The following KLRD1 variants were observed in gnomAD, a reference collection of about 807,000 sequenced individuals.
The protein encoded by KLRD1 is killer cell lectin like receptor D1.
Under a neutral mutation model 22.6 loss-of-function variants are expected in KLRD1, and 21 were observed. That is an observed-to-expected ratio of 0.93 (90% CI 0.66 to 1.34). KLRD1 has a LOEUF of 1.34. KLRD1 is among the 40% of genes most tolerant of loss of function. KLRD1 has a pLI of 0.00. For synonymous variants in KLRD1, 59 were observed against 71.1 expected, an observed-to-expected ratio of 0.83 and a Z score of 0.85; for missense variants, 183 against 208.6, an observed-to-expected ratio of 0.88 and a Z score of 0.76.
At chr12:10,278,794 T>C (rs1449727468) in intron 1 of KLRD1, among the ~76,000 whole-genome samples, 3 of 152,116 alleles carry the variant, frequency 2.0e-5, no homozygotes, top group Non-Finnish European at 4.4e-5. Context: ...TGTTTTTGTT[T>C]TGTTTTGTTT....
chr12:10,290,974 C>T (rs1447043966), intron 1 of KLRD1, among the ~76,000 whole-genome samples: 1 of 152,152 alleles, frequency 6.6e-6, no homozygotes, highest in East Asian at 1.9e-4. Context: ...AGGCATACCT[C>T]AGAGATACTG....
chr12:10,302,094 T>C (rs1949871249), upstream of KLRD1, among the ~76,000 whole-genome samples: 1 of 152,194 alleles, frequency 6.6e-6, no homozygotes, highest in Non-Finnish European at 1.5e-5. Context: ...TGCCATAAGA[T>C]ATATAATATT....
At position 10,284,841 on chromosome 12, in the gene KLRD1, C is replaced by A. The variant is rs547243504; in HGVS notation, c.-100-23137C>A. Among the ~76,000 whole-genome samples the A allele has an allele frequency of 1.8e-4, 28 of 152,192 alleles. 1 individual carries two copies. Among genetic ancestry groups the A allele is most frequent in the African/African-American group, 5.8e-4 (24 of 41,526 alleles). ...TACTAAAAATACAAAATTAGCCGGG[C>A]ATGGTGGTGCATGCCTGTAATCCCA... On this transcript the variant is annotated intron_variant, in intron 1 of 5. Coordinates refer to the KLRD1 transcript ENST00000544747.
chr12:10,246,170 T>G (rs1247700194), intron 1 of KLRD1, among the ~76,000 whole-genome samples: 1 of 152,192 alleles, frequency 6.6e-6, no homozygotes, highest in Non-Finnish European at 1.5e-5. Context: ...GCTCCCTCCT[T>G]TCTTGGTTCT....
Position 10,244,383 on chromosome 12 carries a change from C to A in KLRD1, c.-101+18150C>A, listed in dbSNP as rs141158858. ...AACTACCATTTGTGACCAATATACT[C>A]ATTCACTCAATTTCAGTCAGTGTCT... On this transcript the variant is annotated intron_variant, in intron 1 of 5. Transcript: ENST00000544747. 1.2e-3 allele frequency among the ~76,000 whole-genome samples: 188 copies of A among 152,268 alleles called. 1 individual carries two copies. Among genetic ancestry groups the A allele is most frequent in the African/African-American group, 4.3e-3 (179 of 41,546 alleles).
At chr12:10,282,500 G>T (rs1042920744) in intron 1 of KLRD1, among the ~76,000 whole-genome samples, 1 of 151,974 alleles carries the variant, frequency 6.6e-6, no homozygotes, top group South Asian at 2.1e-4. Context: ...CAGATGATCC[G>T]CCTGCCTCAG....
rs1950313402 is a variant in KLRD1 at position 10,321,656 on chromosome 12, C to T, written c.*6863C>T. 6.6e-6 allele frequency: 1 copy of T among 152,144 alleles called. No homozygotes were observed. Among genetic ancestry groups the T allele is most frequent in the African/African-American group, 2.4e-5 (1 of 41,424 alleles). The allele number at this position is 152,144 out of a possible 1,614,324, so 9.4% of individuals were successfully genotyped here. A position where few individuals can be genotyped will look rare whatever the true frequency, so the allele number is the denominator to read the frequency against. On this transcript the variant is annotated 3_prime_UTR_variant, in exon 6 of 6. Coordinates refer to ENST00000336164, the MANE Select transcript of KLRD1 (RefSeq NM_002262.5). ...AAGACAGTATGTCTTTGGCGTTGCC[C>T]TTTCTCATATCATCTGATTTGGTGG...
At chr12:10,243,175 A>G (rs1033445835) in intron 1 of KLRD1, among the ~76,000 whole-genome samples, 4 of 152,188 alleles carry the variant, frequency 2.6e-5, no homozygotes, top group African/African-American at 9.7e-5. Context: ...GGCAATGGGA[A>G]TAAGCTTTTG....
intron 1 of KLRD1, among the ~76,000 whole-genome samples, chr12:10,258,302 T>G (rs1400230982): frequency 6.6e-6 from 1 of 152,190 alleles, no homozygotes; most frequent in Non-Finnish European, 1.5e-5. Context: ...TATCCCTATT[T>G]TTTTATCTTG....
chr12:10,257,281 T>A (rs545383981), intron 1 of KLRD1, among the ~76,000 whole-genome samples: 14 of 151,324 alleles, frequency 9.3e-5, no homozygotes, highest in South Asian at 2.1e-4. Flanking sequence ...GATTTTTTTT[T>A]AAAATCAAAT....
chr12:10,314,577 T>C, intron 5 of KLRD1, 96 bp from the exon 6 acceptor site: 1 of 1,172,768 alleles, frequency 8.5e-7, no homozygotes, highest in Non-Finnish European at 1.2e-6. Context: ...AGTATCTCAC[T>C]CAAATGCTTT....
chr12:10,296,833 G>A (rs186835223), intron 1 of KLRD1, among the ~76,000 whole-genome samples: 17 of 152,264 alleles, frequency 1.1e-4, no homozygotes, highest in East Asian at 3.9e-4. Flanking sequence ...CATATGTTTC[G>A]CTGTGTTTCC....
chr12:10,276,240 C>G (rs1479295172), intron 1 of KLRD1, among the ~76,000 whole-genome samples: 1 of 152,030 alleles, frequency 6.6e-6, no homozygotes, highest in Non-Finnish European at 1.5e-5. Context: ...CTCTGTATTT[C>G]TTAAATTATC....
chr12:10,309,284 A>G (rs10734825), intron 1 of KLRD1, 104 bp from the exon 2 acceptor site: 669,549 of 673,084 alleles, frequency 0.99, 333,085 homozygotes, highest in East Asian at 1. Context: ...CTCCGTTATC[A>G]AATGAAAGAA....
chr12:10,304,141 A>G (rs921947066), upstream of KLRD1, among the ~76,000 whole-genome samples: 1 of 152,230 alleles, frequency 6.6e-6, no homozygotes, highest in Non-Finnish European at 1.5e-5. Flanking sequence ...TTTCAGTTAT[A>G]CAATAATTGT....
At chr12:10,299,453 T>C (rs1949849333), upstream of KLRD1, among the ~76,000 whole-genome samples, 1 of 152,246 alleles carries the variant, frequency 6.6e-6, no homozygotes, top group Admixed American at 6.5e-5. Flanking sequence ...ACAAATGTTT[T>C]GGTTTCCTAA....
Position 10,322,646 on chromosome 12 carries a change from T to G in KLRD1, c.*7853T>G, listed in dbSNP as rs902032522. 6.6e-6 allele frequency: 1 copy of G among 152,240 alleles called. No individual in the cohort carries two copies. The highest frequency in any genetic ancestry group is 1.5e-5 in the Non-Finnish European group (1 of 68,050). 9.4% of individuals were successfully genotyped at this position (152,240 alleles called of 1,614,324 possible). On this transcript the variant is annotated 3_prime_UTR_variant, in exon 6 of 6. Transcript: ENST00000336164. ...TCTTCACTAATTTTCTCATTTACAC[T>G]AAATACTTCATTGATTACAGTTTAC...
At chr12:10,287,176 G>C (rs1949715019) in intron 1 of KLRD1, among the ~76,000 whole-genome samples, 1 of 151,908 alleles carries the variant, frequency 6.6e-6, no homozygotes, top group Non-Finnish European at 1.5e-5. Context: ...TTGTTTATCT[G>C]TTTGTGTTTT....
chr12:10,243,607 C>CAAAAAA (rs34864670), intron 1 of KLRD1, among the ~76,000 whole-genome samples: 41 of 28,780 alleles, frequency 1.4e-3, no homozygotes, highest in African/African-American at 7.9e-3. Context: ...AGTGAGACTC[C>CAAAAAA]AAAAAAAAAA....
Sources: gnomAD v4.1 joint callset for allele counts (sites outside exome capture counted in the v4.1 genomes callset) on GRCh38, gnomAD v4.1.1 for gene constraint, MANE v1.5 for transcripts, NCBI Gene and HGNC (gene_info 2026-07-23, HGNC 2026-07-21) for gene names.